Variants in MALRD1 observed in about 807,000 individuals in gnomAD.
MALRD1 encodes the protein MAM and LDL-receptor class A domain-containing protein 1.
A neutral mutation model predicts 242.1 loss-of-function variants in MALRD1; 247 were observed. The observed-to-expected ratio is 1.02, with a 90% CI of 0.92 to 1.13. The LOEUF (loss-of-function observed/expected upper bound fraction) is 1.13, where lower values mean the gene tolerates loss of function less well. Among genes scored for constraint, MALRD1 ranks in the 50% most tolerant of loss-of-function variants. The probability of loss-of-function intolerance (pLI) is 0.00; values close to 1 mark genes in which losing one functional copy is unlikely to be tolerated. For missense variants in MALRD1, 2,989 were observed against 2,533.1 expected, an observed-to-expected ratio of 1.18 and a Z score of -3.86; for synonymous variants, 995 against 866.6, an observed-to-expected ratio of 1.15 and a Z score of -2.60.
chr10:19,246,453 T>TA (rs1397025797), intron 18 of MALRD1, among the ~76,000 whole-genome samples: 1 of 152,132 alleles, frequency 6.6e-6, no homozygotes, highest in Non-Finnish European at 1.5e-5. Context: ...TCTTCTGCTG[T>TA]AAAATGCCTG....
intron 14 of MALRD1, among the ~76,000 whole-genome samples, chr10:19,179,875 A>T (rs11008814): frequency 7.2e-5 from 11 of 152,060 alleles, no homozygotes; most frequent in Admixed American, 7.2e-4. Context: ...CACCTTTAAG[A>T]GTCTCCTTTC....
intron 36 of MALRD1, among the ~76,000 whole-genome samples, chr10:19,624,856 G>C (rs529878399): frequency 6.6e-5 from 9 of 135,848 alleles, no homozygotes; most frequent in African/African-American, 2.5e-4. Flanking sequence ...CTGGGTGACA[G>C]AGGGAGACTA....
At chr10:19,717,442 G>A (rs575647518) in intron 38 of MALRD1, among the ~76,000 whole-genome samples, 24 of 152,250 alleles carry the variant, frequency 1.6e-4, no homozygotes, top group African/African-American at 5.5e-4. Context: ...GCTTTAACTG[G>A]TGCTAAGAAC....
At chr10:19,330,966 T>C (rs549987254) in intron 23 of MALRD1, among the ~76,000 whole-genome samples, 1 of 152,336 alleles carries the variant, frequency 6.6e-6, no homozygotes, top group South Asian at 2.1e-4. Flanking sequence ...AAGAATCTAC[T>C]TGTATCTTTT....
At chr10:19,518,120 C>T (rs1833720145) in intron 31 of MALRD1, among the ~76,000 whole-genome samples, 1 of 152,152 alleles carries the variant, frequency 6.6e-6, no homozygotes, top group African/African-American at 2.4e-5. Flanking sequence ...AGTTGCCTGC[C>T]TGTGACTGGC....
intron 5 of MALRD1, among the ~76,000 whole-genome samples, chr10:19,118,709 A>G (rs760237049): frequency 6.6e-6 from 1 of 152,180 alleles, no homozygotes; most frequent in Non-Finnish European, 1.5e-5. Context: ...CTTTCCCATC[A>G]TGGCCTGAAC....
rs1443826397 is a variant in MALRD1 at position 19,697,222 on chromosome 10, A to G, written c.6314+4668A>G. ...GGGGACTGGCAAGCTTGAAACCTGT[A>G]AGGCAGACCAGCAGACTAGAAATCC... On this transcript the variant is annotated intron_variant, in intron 38 of 39. Transcript: ENST00000454679. Among the ~76,000 whole-genome samples, 5 of 152,124 alleles carry G rather than the reference A, an allele frequency of 3.3e-5. No individual in the cohort carries two copies. The East Asian group carries it at 7.7e-4, about 24-fold the overall frequency.
intron 32 of MALRD1, among the ~76,000 whole-genome samples, chr10:19,533,608 C>T (rs919025484): frequency 6.6e-6 from 1 of 151,860 alleles, no homozygotes; most frequent in African/African-American, 2.4e-5. Context: ...TCAAGTATGG[C>T]GGAATGCAAA....
At chr10:19,584,718 A>G (rs1837301771) in intron 33 of MALRD1, among the ~76,000 whole-genome samples, 1 of 151,754 alleles carries the variant, frequency 6.6e-6, no homozygotes, top group Non-Finnish European at 1.5e-5. Flanking sequence ...TGGGGTGGAG[A>G]GTTCTGTAGA....
intron 18 of MALRD1, among the ~76,000 whole-genome samples, chr10:19,216,945 CA>C (rs71200980): frequency 0.084 from 9,081 of 107,848 alleles, 340 homozygotes; most frequent in Middle Eastern, 0.12. Context: ...GACTCCGTCT[CA>C]AAAAAAAAAA....
At chr10:19,502,707 C>T (rs996821652) in intron 31 of MALRD1, among the ~76,000 whole-genome samples, 1 of 152,044 alleles carries the variant, frequency 6.6e-6, no homozygotes, top group Admixed American at 6.5e-5. Context: ...CCTGTGAGCT[C>T]GTTAGATATT....
intron 5 of MALRD1, among the ~76,000 whole-genome samples, chr10:19,113,776 T>A (rs1253192872): frequency 1.4e-5 from 2 of 146,462 alleles, no homozygotes; most frequent in African/African-American, 5.2e-5. Flanking sequence ...CCCTCCACAT[T>A]GCCACTACCA....
chr10:19,386,521 G>C (rs1324425824), intron 26 of MALRD1, among the ~76,000 whole-genome samples: 1 of 152,082 alleles, frequency 6.6e-6, no homozygotes, highest in Non-Finnish European at 1.5e-5. Flanking sequence ...TGTTACCCAT[G>C]ACAGTTAAAT....
chr10:19,105,453 G>C (rs1357063624), intron 5 of MALRD1, among the ~76,000 whole-genome samples: 7 of 151,922 alleles, frequency 4.6e-5, no homozygotes, highest in African/African-American at 7.2e-5. Flanking sequence ...CTTGGCTATT[G>C]TAAGTAGTTC....
chr10:19,202,941 T>A (rs1836610111), intron 14 of MALRD1, among the ~76,000 whole-genome samples: 1 of 152,172 alleles, frequency 6.6e-6, no homozygotes, highest in Non-Finnish European at 1.5e-5. Flanking sequence ...TCTCTCAACC[T>A]CTCTGTCTTC....
At chr10:19,259,996 A>G (rs999833308) in intron 19 of MALRD1, among the ~76,000 whole-genome samples, 4 of 152,194 alleles carry the variant, frequency 2.6e-5, no homozygotes, top group Non-Finnish European at 5.9e-5. Context: ...CAATTCCTAC[A>G]ACAGTATTTG....
chr10:19,151,108 C>T (rs778375222), intron 11 of MALRD1, among the ~76,000 whole-genome samples: 1 of 152,090 alleles, frequency 6.6e-6, no homozygotes, highest in Non-Finnish European at 1.5e-5. Flanking sequence ...TTATAATTCT[C>T]TATAAAAATT....
chr10:19,254,875 G>T (rs995268233), intron 18 of MALRD1, among the ~76,000 whole-genome samples: 6 of 151,984 alleles, frequency 3.9e-5, no homozygotes, highest in African/African-American at 1.2e-4. Flanking sequence ...GCAGCAGGTT[G>T]AATTAATTCC....
rs57813656 is a variant in MALRD1 at position 19,355,858 on chromosome 10, T to TATATATGATATATATATATA, written c.4441+3561_4441+3562insATATATGATATATATATATA. Among the ~76,000 whole-genome samples the TATATATGATATATATATATA allele has an allele frequency of 2.7e-4, 26 of 94,924 alleles. 2 individuals are homozygous for TATATATGATATATATATATA. The highest frequency in any genetic ancestry group is 9.6e-4 in the African/African-American group (26 of 27,164). The allele number at this position is 94,924 out of a possible 152,430, so 62.3% of individuals were successfully genotyped here. On this transcript the variant is annotated intron_variant, in intron 26 of 39. Transcript: ENST00000454679. Reference sequence around the variant, plus strand: ...AGAACATATATTATATATATATATATTATATATGATATATATTAGCTAAGC... The same window carrying TATATATGATATATATATATA: ...AGAACATATATTATATATATATATATATATATGATATATATATATATATATATGATATATATTAGCTAAGC...
Sources: gnomAD v4.1 joint callset for allele counts (sites outside exome capture counted in the v4.1 genomes callset) on GRCh38, gnomAD v4.1.1 for gene constraint, MANE v1.5 for transcripts, NCBI Gene and HGNC (gene_info 2026-07-23, HGNC 2026-07-21) for gene names.